Variants in PTPN14 observed in about 807,000 individuals in gnomAD.
The protein encoded by PTPN14 is tyrosine-protein phosphatase non-receptor type 14.
PTPN14 carries 53 observed loss-of-function variants against 126.8 expected under a neutral mutation model. The ratio of observed to expected loss-of-function variants is 0.42; its 90% CI spans 0.34 to 0.53. PTPN14 has a LOEUF of 0.53. PTPN14 is among the 20% of genes least tolerant of loss of function. The pLI is 0.08. For missense variants in PTPN14, 1,257 were observed against 1,552.9 expected (o/e 0.81, Z 3.20); for synonymous variants, 630 against 599.3 (o/e 1.05, Z -0.75).
intron 1 of PTPN14, among the ~76,000 whole-genome samples, chr1:214,541,786 A>G (rs1352480614): frequency 6.6e-6 from 1 of 152,180 alleles, no homozygotes; most frequent in African/African-American, 2.4e-5. Context: ...TTTTTTCTCA[A>G]TATTTGTATG....
intron 3 of PTPN14, 32 bp downstream of exon 3, chr1:214,451,772 CT>C: frequency 6.2e-7 from 1 of 1,607,404 alleles, no homozygotes; most frequent in Non-Finnish European, 8.5e-7. Flanking sequence ...AGTCAACACC[CT>C]TATATGGCAC....
rs1658243604 is a variant in PTPN14, at chr1:214,372,596, G to A, written c.3036+115C>T. 3.4e-6 allele frequency: 5 copies of A among 1,453,464 alleles called. No individual in the cohort carries two copies. In the South Asian group the frequency reaches 4.7e-5, roughly 14 times the overall value. 90.0% of individuals were successfully genotyped at this position (1,453,464 alleles called of 1,614,324 possible). On this transcript the variant is annotated intron_variant, in intron 16 of 18. Coordinates refer to ENST00000366956, the MANE Select transcript of PTPN14 (RefSeq NM_005401.5). ...TATACCAAAGAGAAAAGCATGTGCA[G>A]AGAAACAGCACTGCAGGAAGAAGGA...
chr1:214,411,699 A>G lies in PTPN14; in HGVS notation c.495T>C (p.Tyr165=). ...QFDSQDFLRE[Y]VLFPMDLALE... The stretch of plus-strand genomic sequence containing the variant: ...TTACACTTACCATAGGAAATAGCAC[A>G]TACTCTCTGAGGAAATCTTGAGAAT... Residue 165 remains tyrosine (Y), a synonymous_variant, in exon 5 of 19, where the codon TAT becomes TAC. Transcript: ENST00000366956. 6.6e-7 allele frequency: 1 copy of G among 1,509,380 alleles called. No individual in the cohort carries two copies. Among genetic ancestry groups the G allele is most frequent in the African/African-American group, 1.4e-5 (1 of 71,920 alleles). 93.5% of individuals were successfully genotyped at this position (1,509,380 alleles called of 1,614,324 possible).
intron 15 of PTPN14, among the ~76,000 whole-genome samples, chr1:214,375,971 T>C (rs1658333132): frequency 6.6e-6 from 1 of 152,124 alleles, no homozygotes. Flanking sequence ...TTAAAGCCTC[T>C]GTAATGAGCG....
At chr1:214,481,502 A>T (rs1436331204) in intron 1 of PTPN14, among the ~76,000 whole-genome samples, 2 of 71,506 alleles carry the variant, frequency 2.8e-5, no homozygotes, top group Admixed American at 2.0e-4. Context: ...CAAGCGCGAA[A>T]CTCCCGCTCA....
chr1:214,533,588 T>C (rs1015197997), intron 1 of PTPN14: 1 of 219,612 alleles, frequency 4.6e-6, no homozygotes, highest in African/African-American at 2.4e-5. Context: ...TCCCAGCACT[T>C]TGGGAGGCCG....
At chr1:214,455,210 C>T (rs1252601767) in intron 2 of PTPN14, among the ~76,000 whole-genome samples, 1 of 152,212 alleles carries the variant, frequency 6.6e-6, no homozygotes, top group East Asian at 1.9e-4. Flanking sequence ...AACTACTAAT[C>T]CTGTCAAGCC....
rs1162865883 is a variant in PTPN14, at chr1:214,349,495, G to T, written c.*8427C>A. The T allele has an allele frequency of 6.6e-6, 1 of 152,230 alleles. No homozygotes were observed. Among genetic ancestry groups the T allele is most frequent in the African/African-American group, 2.4e-5 (1 of 41,466 alleles). The allele number at this position is 152,230 out of a possible 1,614,324, so 9.4% of individuals were successfully genotyped here. On this transcript the variant is annotated 3_prime_UTR_variant, in exon 19 of 19. Transcript: ENST00000366956. ...AATTCACAACATTTTGTGAAACAAA[G>T]ATCAAGGAAAGCATCAAAATACTGA...
chr1:214,372,603 A>T, intron 16 of PTPN14, 108 bp downstream of exon 16: 2 of 1,461,550 alleles, frequency 1.4e-6, no homozygotes, highest in Non-Finnish European at 1.9e-6. Flanking sequence ...GCAGAGAAAC[A>T]GCACTGCAGG....
chr1:214,378,878 G>GA (rs1452981547), intron 13 of PTPN14, among the ~76,000 whole-genome samples: 1 of 152,014 alleles, frequency 6.6e-6, no homozygotes, highest in Non-Finnish European at 1.5e-5. Context: ...CTCCGGAACT[G>GA]AGCAGACCAC....
intron 2 of PTPN14, among the ~76,000 whole-genome samples, chr1:214,460,610 CAT>C (rs1572014063): frequency 1.6e-5 from 2 of 123,914 alleles, no homozygotes; most frequent in African/African-American, 4.4e-5. Flanking sequence ...CACACACACA[CAT>C]ACACACACAC....
chr1:214,510,427 A>G (rs1412943210), intron 1 of PTPN14, among the ~76,000 whole-genome samples: 1 of 152,254 alleles, frequency 6.6e-6, no homozygotes, highest in Admixed American at 6.5e-5. Context: ...TATACAAGAA[A>G]ACAGCAATAC....
At chr1:214,496,928 T>C (rs932508555) in intron 1 of PTPN14, among the ~76,000 whole-genome samples, 1 of 148,982 alleles carries the variant, frequency 6.7e-6, no homozygotes, top group Non-Finnish European at 1.5e-5. Flanking sequence ...AACAAAATCA[T>C]AAAAGTGCTA....
intron 1 of PTPN14, chr1:214,532,890 T>A: frequency 9.8e-7 from 1 of 1,020,872 alleles, no homozygotes. Flanking sequence ...TGGAGGTTGA[T>A]GCCCCCAAAT....
chr1:214,515,427 C>T (rs12073252), intron 1 of PTPN14, among the ~76,000 whole-genome samples: 57,692 of 151,388 alleles, frequency 0.38, 15,543 homozygotes, highest in African/African-American at 0.75. Context: ...TTTTCCAAGA[C>T]TGTTTGACTA....
chr1:214,463,741 G>A (rs571157462), intron 2 of PTPN14, among the ~76,000 whole-genome samples: 27 of 152,164 alleles, frequency 1.8e-4, no homozygotes, highest in Non-Finnish European at 2.8e-4. Context: ...AGAGCCCAGG[G>A]ACCTAGGACA....
intron 16 of PTPN14, among the ~76,000 whole-genome samples, chr1:214,370,605 A>G (rs187534222): frequency 3.5e-4 from 53 of 152,310 alleles, no homozygotes; most frequent in Non-Finnish European, 2.1e-4. Context: ...TTTTAGTTCA[A>G]TCTACAACTA....
At chr1:214,416,762 C>T (rs1659435246) in intron 3 of PTPN14, among the ~76,000 whole-genome samples, 1 of 152,164 alleles carries the variant, frequency 6.6e-6, no homozygotes, top group African/African-American at 2.4e-5. Context: ...GAAATTCAAA[C>T]CACTTTGAAA....
intron 1 of PTPN14, among the ~76,000 whole-genome samples, chr1:214,520,061 A>ATAT (rs1479124640): frequency 5.0e-5 from 4 of 80,028 alleles, no homozygotes; most frequent in Admixed American, 1.2e-4. Flanking sequence ...AAAAAAAAAA[A>ATAT]AAAAATATAT....
Sources: gnomAD v4.1 joint callset for allele counts (sites outside exome capture counted in the v4.1 genomes callset) on GRCh38, gnomAD v4.1.1 for gene constraint, MANE v1.5 for transcripts, NCBI Gene and HGNC (gene_info 2026-07-23, HGNC 2026-07-21) for gene names.